The following RPRD1A variants were observed in gnomAD, a reference collection of about 807,000 sequenced individuals.
The protein encoded by RPRD1A is regulation of nuclear pre-mRNA domain-containing protein 1A.
In RPRD1A, 9 loss-of-function variants were observed where a neutral mutation model predicts 37.8. The ratio of observed to expected loss-of-function variants is 0.24; its 90% CI spans 0.14 to 0.42. The LOEUF is 0.42. Among genes scored for constraint, RPRD1A ranks in the 10% least tolerant of loss-of-function variants. RPRD1A has a pLI of 1.00. For synonymous variants in RPRD1A, 138 were observed against 139.7 expected (o/e 0.99, Z 0.08); for missense variants, 255 against 371.0 (o/e 0.69, Z 2.57).
At chr18:36,043,875 C>T (rs1013129225) in intron 1 of RPRD1A, among the ~76,000 whole-genome samples, 9 of 152,094 alleles carry the variant, frequency 5.9e-5, no homozygotes, top group African/African-American at 1.9e-4. Context: ...GGGTCCAACG[C>T]CCTGTGCAGT....
At chr18:36,021,027 A>G (rs1910959492) in intron 6 of RPRD1A, among the ~76,000 whole-genome samples, 1 of 152,198 alleles carries the variant, frequency 6.6e-6, no homozygotes, top group Non-Finnish European at 1.5e-5. Context: ...TCAACAACTA[A>G]AAGATTACAC....
chr18:36,022,974 T>A lies in RPRD1A; in HGVS notation c.789+3926A>T, dbSNP rs77485213. On this transcript the variant is annotated intron_variant, in intron 6 of 6. Transcript: ENST00000399022. ...GAGACTGTCTCCAAAATAACAATAA[T>A]AAAAAATTACTATTGACAACATACC... Among the ~76,000 whole-genome samples the A allele has an allele frequency of 7.1e-3, 1,082 of 152,138 alleles. 8 individuals carry two copies. Among genetic ancestry groups the A allele is most frequent in the Non-Finnish European group, 0.011 (780 of 67,956 alleles).
chr18:36,008,589 A>ATATATATATATC lies in RPRD1A; in HGVS notation c.790-15290_790-15289insGATATATATATA, dbSNP rs71381561. ...AGACCTTGTGTGTGTATATATATAT[A>ATATATATATATC]TCTTTAAAAATCTCTCTAGGAAAAA... On this transcript the variant is annotated intron_variant, in intron 6 of 6. Transcript: ENST00000399022. 9.6e-3 allele frequency among the ~76,000 whole-genome samples: 872 copies of ATATATATATATC among 90,764 alleles called. 131 individuals are homozygous for ATATATATATATC. The highest frequency in any genetic ancestry group is 0.014 in the Non-Finnish European group (639 of 44,836). 59.5% of individuals were successfully genotyped at this position (90,764 alleles called of 152,430 possible).
At position 36,030,794 on chromosome 18, in the gene RPRD1A, G is replaced by C; in HGVS notation, c.486+14C>G. ...TAAAAGTTTGTAACTCTTTTAACAG[G>C]GTAAAATTTCTACCTGTGGTGGTTC... is the stretch of plus-strand genomic sequence containing the variant. On this transcript the variant is annotated intron_variant, in intron 4 of 6. Coordinates refer to ENST00000399022, the MANE Select transcript of RPRD1A (RefSeq NM_018170.5). 1.3e-6 allele frequency: 2 copies of C among 1,529,876 alleles called. No homozygotes were observed. The highest frequency in any genetic ancestry group is 1.8e-6 in the Non-Finnish European group (2 of 1,110,420). The allele number at this position is 1,529,876 out of a possible 1,614,324, so 94.8% of individuals were successfully genotyped here. A position where few individuals can be genotyped will look rare whatever the true frequency, so the allele number is the denominator to read the frequency against.
chr18:36,013,142 G>C (rs776357708), intron 6 of RPRD1A, among the ~76,000 whole-genome samples: 19 of 152,152 alleles, frequency 1.2e-4, no homozygotes, highest in Non-Finnish European at 2.5e-4. Flanking sequence ...ATTCCTTCTT[G>C]ACTTGACCTG....
intron 1 of RPRD1A, among the ~76,000 whole-genome samples, chr18:36,062,463 CAA>C (rs754276466): frequency 1.5e-5 from 2 of 134,566 alleles, no homozygotes; most frequent in Admixed American, 7.5e-5. Flanking sequence ...AACATATCCA[CAA>C]AAAAAAAAAG....
At chr18:36,017,168 G>C (rs572361763) in intron 6 of RPRD1A, among the ~76,000 whole-genome samples, 43 of 152,164 alleles carry the variant, frequency 2.8e-4, no homozygotes, top group Non-Finnish European at 6.0e-4. Flanking sequence ...AAATTAGTCG[G>C]GAGTCGTGGC....
intron 6 of RPRD1A, among the ~76,000 whole-genome samples, chr18:35,995,246 T>A (rs1165124286): frequency 6.6e-6 from 1 of 151,318 alleles, no homozygotes; most frequent in Non-Finnish European, 1.5e-5. Flanking sequence ...CTCTCCAATT[T>A]TTTTGCTTTT....
chr18:36,056,970 G>A (rs1397228534), intron 1 of RPRD1A, among the ~76,000 whole-genome samples: 3 of 144,816 alleles, frequency 2.1e-5, no homozygotes, highest in Non-Finnish European at 3.0e-5. Context: ...ATCCCAGCAC[G>A]TTGGGAGGCC....
At chr18:36,001,956 A>G (rs547518060) in intron 6 of RPRD1A, among the ~76,000 whole-genome samples, 9 of 152,262 alleles carry the variant, frequency 5.9e-5, no homozygotes, top group African/African-American at 2.2e-4. Flanking sequence ...TCTTGCTTGC[A>G]TGGTTCTGCT....
chr18:36,023,041 G>GT (rs1282882472), intron 6 of RPRD1A, among the ~76,000 whole-genome samples: 2 of 152,194 alleles, frequency 1.3e-5, no homozygotes, highest in Non-Finnish European at 2.9e-5. Flanking sequence ...AATGTGACTA[G>GT]TGTTCATGCC....
chr18:36,060,530 CAT>C (rs1228889519), intron 1 of RPRD1A, among the ~76,000 whole-genome samples: 1 of 152,174 alleles, frequency 6.6e-6, no homozygotes, highest in Non-Finnish European at 1.5e-5. Flanking sequence ...TATTTTAGCA[CAT>C]CTTACAAGTT....
At chr18:36,062,357 C>T (rs2088933259) in intron 1 of RPRD1A, among the ~76,000 whole-genome samples, 1 of 147,832 alleles carries the variant, frequency 6.8e-6, no homozygotes, top group South Asian at 2.1e-4. Context: ...AACATGTACC[C>T]ACTGTGGAAA....
intron 1 of RPRD1A, among the ~76,000 whole-genome samples, chr18:36,038,760 T>C (rs1912374596): frequency 6.6e-6 from 1 of 152,128 alleles, no homozygotes; most frequent in Non-Finnish European, 1.5e-5. Context: ...AGCCCACCCC[T>C]TGCATCAGTG....
At chr18:36,064,197 GC>G (rs1340211075) in intron 1 of RPRD1A, 2 of 152,522 alleles carry the variant, frequency 1.3e-5, no homozygotes, top group Non-Finnish European at 2.9e-5. Context: ...GCCCCTCTCT[GC>G]GGCTGGCAGA....
At chr18:36,008,577 G>GTGTGTATATGTGTGTATATATATATATA in intron 6 of RPRD1A, among the ~76,000 whole-genome samples, 1 of 47,802 alleles carries the variant, frequency 2.1e-5, no homozygotes, top group African/African-American at 6.8e-5. Flanking sequence ...CCTTGTGTGT[G>GTGTGTATATGTGTGTATATATATATATA]TATATATATA....
intron 6 of RPRD1A, among the ~76,000 whole-genome samples, chr18:36,008,577 G>GTGTGTATATGTGTATA: frequency 2.1e-5 from 1 of 47,802 alleles, no homozygotes; most frequent in Non-Finnish European, 4.3e-5. Context: ...CCTTGTGTGT[G>GTGTGTATATGTGTATA]TATATATATA....
At chr18:36,025,098 T>G (rs1911269574) in intron 6 of RPRD1A, 1 of 152,354 alleles carries the variant, frequency 6.6e-6, no homozygotes, top group Admixed American at 6.5e-5. Context: ...AAAATAGGAC[T>G]TTAGCATTTG....
At chr18:36,049,355 A>T (rs75344033) in intron 1 of RPRD1A, among the ~76,000 whole-genome samples, 1 of 152,222 alleles carries the variant, frequency 6.6e-6, no homozygotes, top group African/African-American at 2.4e-5. Context: ...TTAAAAATAC[A>T]GTTGACTTCT....
Sources: gnomAD v4.1 joint callset for allele counts (sites outside exome capture counted in the v4.1 genomes callset) on GRCh38, gnomAD v4.1.1 for gene constraint, MANE v1.5 for transcripts, NCBI Gene and HGNC (gene_info 2026-07-23, HGNC 2026-07-21) for gene names.